Variants in VWA8 observed in about 807,000 individuals in gnomAD.
VWA8 encodes the protein von Willebrand factor A domain-containing protein 8.
In VWA8, 221 loss-of-function variants were observed where a neutral mutation model predicts 241.5. That is an observed-to-expected ratio of 0.91 (90% CI 0.82 to 1.02). VWA8 has a LOEUF of 1.02. Ranked by LOEUF, VWA8 falls within the 50% of genes least tolerant of loss-of-function variation. The pLI, the probability that VWA8 is intolerant of heterozygous loss-of-function variation, is 0.00. For synonymous variants in VWA8, 852 were observed against 827.1 expected, an observed-to-expected ratio of 1.03 and a Z score of -0.52; for missense variants, 2,322 against 2,328.7, an observed-to-expected ratio of 1.00 and a Z score of 0.06.
intron 37 of VWA8, among the ~76,000 whole-genome samples, chr13:41,617,759 G>C (rs190047320): frequency 2.5e-4 from 38 of 151,110 alleles, no homozygotes; most frequent in Admixed American, 9.9e-4. Flanking sequence ...CTGTCTTTAT[G>C]ACAGTTTGCT....
At chr13:41,884,852 C>T (rs1216976225) in intron 8 of VWA8, among the ~76,000 whole-genome samples, 13 of 152,068 alleles carry the variant, frequency 8.5e-5, no homozygotes, top group Admixed American at 8.5e-4. Flanking sequence ...ACAATGTCAA[C>T]AATACCTAGG....
chr13:41,872,060 T>G (rs1481414099), intron 9 of VWA8, among the ~76,000 whole-genome samples: 1 of 152,258 alleles, frequency 6.6e-6, no homozygotes, highest in South Asian at 2.1e-4. Flanking sequence ...TGGCCAGTGA[T>G]GATGAGCATT....
chr13:41,681,290 C>T (rs1402470741), intron 35 of VWA8, among the ~76,000 whole-genome samples: 3 of 152,148 alleles, frequency 2.0e-5, no homozygotes, highest in Non-Finnish European at 4.4e-5. Context: ...AGCCCCATCT[C>T]TTTCCCTTAC....
At chr13:41,656,159 CT>C (rs2044903572) in intron 37 of VWA8, among the ~76,000 whole-genome samples, 1 of 152,274 alleles carries the variant, frequency 6.6e-6, no homozygotes. Flanking sequence ...AGATTTTTCT[CT>C]TTCTGAGTAA....
chr13:41,830,393 G>A, intron 14 of VWA8, 136 bp downstream of exon 14: 1 of 620,200 alleles, frequency 1.6e-6, no homozygotes, highest in Non-Finnish European at 2.7e-6. Flanking sequence ...TGCCAAAGTA[G>A]TGGCATATCC....
At chr13:41,583,165 G>T (rs923200567) in intron 42 of VWA8, among the ~76,000 whole-genome samples, 6 of 152,146 alleles carry the variant, frequency 3.9e-5, no homozygotes, top group African/African-American at 1.4e-4. Context: ...GCATTGGCCT[G>T]GGGAGCCCTA....
chr13:41,942,059 T>C (rs1480063272), intron 2 of VWA8, among the ~76,000 whole-genome samples: 3 of 152,300 alleles, frequency 2.0e-5, no homozygotes, highest in Non-Finnish European at 4.4e-5. Flanking sequence ...GCAGGAAAAG[T>C]GCCCTTTTCC....
intron 1 of VWA8, among the ~76,000 whole-genome samples, chr13:41,960,284 T>C (rs1252080638): frequency 6.6e-6 from 1 of 152,320 alleles, no homozygotes; most frequent in South Asian, 2.1e-4. Flanking sequence ...TTTAACTAAA[T>C]TAAGGTGTAA....
chr13:41,777,260 G>C (rs1313992694), intron 20 of VWA8, among the ~76,000 whole-genome samples: 1 of 152,174 alleles, frequency 6.6e-6, no homozygotes, highest in East Asian at 1.9e-4. Context: ...TGACAAAAGG[G>C]AGATAAAAGG....
At chr13:41,676,593 T>C (rs947741081) in intron 35 of VWA8, among the ~76,000 whole-genome samples, 1 of 152,176 alleles carries the variant, frequency 6.6e-6, no homozygotes, top group African/African-American at 2.4e-5. Flanking sequence ...GCCTATTTTA[T>C]TGTGCAAGGT....
intron 17 of VWA8, among the ~76,000 whole-genome samples, chr13:41,801,038 T>G (rs1368445414): frequency 6.6e-6 from 1 of 152,168 alleles, no homozygotes; most frequent in African/African-American, 2.4e-5. Context: ...GAATTGGTAA[T>G]AAACACTGCT....
At chr13:41,682,009 T>C (rs1232747696) in intron 35 of VWA8, among the ~76,000 whole-genome samples, 1 of 152,196 alleles carries the variant, frequency 6.6e-6, no homozygotes, top group Non-Finnish European at 1.5e-5. Flanking sequence ...CTAAGGACAA[T>C]GTGACCTGAG....
chr13:41,786,975 G>C (rs1006536907), intron 18 of VWA8, among the ~76,000 whole-genome samples: 2 of 151,372 alleles, frequency 1.3e-5, no homozygotes, highest in African/African-American at 4.9e-5. Context: ...TGAATAAGAG[G>C]GCATGCATAT....
intron 37 of VWA8, among the ~76,000 whole-genome samples, chr13:41,634,770 T>TTA (rs2044746761): frequency 6.6e-6 from 1 of 152,204 alleles, no homozygotes. Context: ...CTTATATAAT[T>TTA]TACTTCAGTT....
At chr13:41,757,839 T>C (rs943362165) in intron 21 of VWA8, among the ~76,000 whole-genome samples, 2 of 151,756 alleles carry the variant, frequency 1.3e-5, no homozygotes, top group South Asian at 2.1e-4. Flanking sequence ...ACAAGTAATA[T>C]GACAATGAGA....
chr13:41,805,778 C>CA (rs976697883), intron 17 of VWA8, among the ~76,000 whole-genome samples: 21 of 151,840 alleles, frequency 1.4e-4, no homozygotes, highest in Non-Finnish European at 2.4e-4. Context: ...TGCGCCATTG[C>CA]ACTCCAGCCT....
At chr13:41,768,565 T>TA (rs1408877371) in intron 20 of VWA8, among the ~76,000 whole-genome samples, 1 of 152,128 alleles carries the variant, frequency 6.6e-6, no homozygotes, top group Non-Finnish European at 1.5e-5. Flanking sequence ...ATAAAAGAGT[T>TA]AAAAAATCAA....
In VWA8 at chr13:41,835,711, T is replaced by C. The variant is rs556342693; in HGVS notation, c.1426-2180A>G. Among the ~76,000 whole-genome samples, 44 of 152,304 alleles carry C rather than the reference T, an allele frequency of 2.9e-4. No homozygotes were observed. The East Asian group carries it at 6.6e-3, about 23-fold the overall frequency. The stretch of plus-strand genomic sequence containing the variant: ...ATGAAAAAAAATCAAATATTACATA[T>C]GCATATACATGTGCATATAAATATA... On this transcript the variant is annotated intron_variant, in intron 12 of 44. Coordinates refer to ENST00000379310, the MANE Select transcript of VWA8 (RefSeq NM_015058.2).
chr13:41,630,478 A>AGCACAAGT (rs1051192649), intron 37 of VWA8, among the ~76,000 whole-genome samples: 4 of 152,000 alleles, frequency 2.6e-5, no homozygotes, highest in Admixed American at 6.6e-5. Flanking sequence ...TTTGATTTCT[A>AGCACAAGT]GCACAAGTGA....
Sources: allele counts gnomAD v4.1 joint callset (sites outside exome capture counted in the v4.1 genomes callset), GRCh38; gene constraint gnomAD v4.1.1; transcripts MANE v1.5; gene names NCBI Gene and HGNC (gene_info 2026-07-23, HGNC 2026-07-21).